The following CACNA2D3 variants were observed in gnomAD, a reference collection of about 807,000 sequenced individuals.
CACNA2D3 encodes voltage-dependent calcium channel subunit alpha-2/delta-3.
Under a neutral mutation model 160.6 loss-of-function variants are expected in CACNA2D3, and 60 were observed. The ratio of observed to expected loss-of-function variants is 0.37; its 90% CI spans 0.30 to 0.46. The LOEUF (loss-of-function observed/expected upper bound fraction) is 0.46, where lower values mean the gene tolerates loss of function less well. CACNA2D3 is among the 20% of genes least tolerant of loss of function. The probability of loss-of-function intolerance (pLI) is 1.00; values close to 1 mark genes in which losing one functional copy is unlikely to be tolerated. For missense variants in CACNA2D3, 1,205 were observed against 1,365.0 expected (o/e 0.88, Z 1.85); for synonymous variants, 558 against 492.9 (o/e 1.13, Z -1.75).
intron 27 of CACNA2D3, among the ~76,000 whole-genome samples, chr3:54,927,577 C>T (rs1701058106): frequency 6.6e-6 from 1 of 152,078 alleles, no homozygotes; most frequent in African/African-American, 2.4e-5. Flanking sequence ...GAGATTGTAG[C>T]CAATTTGTTC....
chr3:54,260,467 G>A (rs1001493114), intron 2 of CACNA2D3, among the ~76,000 whole-genome samples: 1 of 152,136 alleles, frequency 6.6e-6, no homozygotes, highest in South Asian at 2.1e-4. Context: ...GAGCGTGTCA[G>A]TTCAGGTCTC....
Position 54,642,215 on chromosome 3 carries a change from G to A in CACNA2D3, c.1141G>A (p.Ala381Thr). The A allele has an allele frequency of 6.2e-7, 1 of 1,612,088 alleles. No individual in the cohort carries two copies. Among genetic ancestry groups the A allele is most frequent in the Admixed American group, 1.7e-5 (1 of 59,812 alleles). The change falls in exon 11 of 38, where the codon GCA (alanine) becomes ACA (threonine). Residue 381 changes from alanine to threonine, a missense_variant. Ala to Thr is a moderately conservative substitution (Grantham distance 58). Around this residue, in one of 3 missense-constraint regions of CACNA2D3, gnomAD observed 911 missense variants for 1,002.2 expected, o/e 0.91. Transcript: ENST00000474759. ...GAVDTYDTIF[A>T]KYNWPDRKVR... ...GGTGGACACCTATGATACAATCTTT[G>A]CAAAATACAATTGGCCAGATCGAAA... is the stretch of plus-strand genomic sequence containing the variant.
chr3:54,646,194 G>GCTTCCTTCCTTC (rs1169806180), intron 11 of CACNA2D3, among the ~76,000 whole-genome samples: 245 of 13,424 alleles, frequency 0.018, 9 homozygotes, highest in Non-Finnish European at 0.035. Flanking sequence ...CTCCTTCCTT[G>GCTTCCTTCCTTC]CTTCCTTCCT....
At chr3:54,475,588 C>G (rs1405787312) in intron 4 of CACNA2D3, among the ~76,000 whole-genome samples, 1 of 151,950 alleles carries the variant, frequency 6.6e-6, no homozygotes, top group Non-Finnish European at 1.5e-5. Context: ...GTTCCCTTCC[C>G]CCAAGATCAA....
chr3:54,348,148 T>G (rs533234939), intron 3 of CACNA2D3, among the ~76,000 whole-genome samples: 11 of 152,216 alleles, frequency 7.2e-5, no homozygotes, highest in Admixed American at 2.0e-4. Context: ...CAGCCAGGAA[T>G]TAAACATTCA....
chr3:54,897,008 A>C, intron 26 of CACNA2D3, 138 bp downstream of exon 26: 2 of 1,052,764 alleles, frequency 1.9e-6, no homozygotes, highest in South Asian at 3.0e-5. Context: ...ATATTGGGTC[A>C]GCCCTGAACC....
chr3:54,826,264 G>A (rs1351185280), intron 14 of CACNA2D3, among the ~76,000 whole-genome samples: 1 of 152,068 alleles, frequency 6.6e-6, no homozygotes, highest in Admixed American at 6.6e-5. Context: ...AGAACTGAAG[G>A]AATGGCTCTG....
chr3:54,541,142 T>G (rs1441051683), intron 5 of CACNA2D3, among the ~76,000 whole-genome samples: 3 of 150,906 alleles, frequency 2.0e-5, no homozygotes, highest in Non-Finnish European at 1.5e-5. Context: ...CCGGGCGTGG[T>G]GGCGGGCGCC....
chr3:54,279,200 G>T (rs1702815622), intron 2 of CACNA2D3, among the ~76,000 whole-genome samples: 1 of 152,168 alleles, frequency 6.6e-6, no homozygotes, highest in Non-Finnish European at 1.5e-5. Context: ...AGTTTCATGA[G>T]TGGAATGCAC....
chr3:54,840,679 G>A (rs1211917385), intron 16 of CACNA2D3, among the ~76,000 whole-genome samples: 1 of 149,514 alleles, frequency 6.7e-6, no homozygotes, highest in Non-Finnish European at 1.5e-5. Context: ...AAAGTGCTGG[G>A]ATTACAGGCG....
chr3:54,294,411 A>G (rs143390170), intron 2 of CACNA2D3, among the ~76,000 whole-genome samples: 1 of 152,120 alleles, frequency 6.6e-6, no homozygotes, highest in East Asian at 1.9e-4. Context: ...CTCATGAGCT[A>G]TCCTCCTGCC....
intron 2 of CACNA2D3, among the ~76,000 whole-genome samples, chr3:54,213,346 A>C (rs990671541): frequency 6.6e-6 from 1 of 152,172 alleles, no homozygotes; most frequent in Admixed American, 6.5e-5. Context: ...CATTTCTATG[A>C]TGTTACTGTG....
chr3:54,833,742 G>A (rs1316383327), intron 14 of CACNA2D3, among the ~76,000 whole-genome samples: 2 of 152,114 alleles, frequency 1.3e-5, no homozygotes, highest in African/African-American at 2.4e-5. Context: ...CAGACCTGTG[G>A]GGACTGGGAA....
At chr3:54,474,901 A>G (rs562702854) in intron 4 of CACNA2D3, among the ~76,000 whole-genome samples, 58 of 152,214 alleles carry the variant, frequency 3.8e-4, no homozygotes, top group Non-Finnish European at 6.9e-4. Context: ...GGGCCGAAAT[A>G]GCTTCCAGAA....
intron 9 of CACNA2D3, among the ~76,000 whole-genome samples, chr3:54,593,540 C>A (rs1474806358): frequency 6.6e-6 from 1 of 152,048 alleles, no homozygotes; most frequent in East Asian, 1.9e-4. Flanking sequence ...TTACAATGAA[C>A]CCCAAATCCT....
chr3:54,785,861 C>A (rs1337137426), intron 13 of CACNA2D3, among the ~76,000 whole-genome samples: 1 of 152,082 alleles, frequency 6.6e-6, no homozygotes, highest in Non-Finnish European at 1.5e-5. Flanking sequence ...ATATATTTTC[C>A]CTTCTTATCA....
intron 13 of CACNA2D3, among the ~76,000 whole-genome samples, chr3:54,790,273 G>A (rs563949322): frequency 6.6e-6 from 1 of 152,276 alleles, no homozygotes; most frequent in African/African-American, 2.4e-5. Flanking sequence ...AACTGGTGCG[G>A]TGTCCTCTCC....
chr3:54,439,140 A>T (rs1015806618), intron 4 of CACNA2D3, among the ~76,000 whole-genome samples: 3 of 152,096 alleles, frequency 2.0e-5, no homozygotes, highest in Non-Finnish European at 4.4e-5. Context: ...CATTGATCCT[A>T]TGGCAGTTGG....
chr3:55,062,963 A>G (rs1704549392), intron 35 of CACNA2D3, among the ~76,000 whole-genome samples: 1 of 152,218 alleles, frequency 6.6e-6, no homozygotes, highest in African/African-American at 2.4e-5. Context: ...AAGGATGGCA[A>G]AGTCGCTGTG....
Sources: allele counts gnomAD v4.1 joint callset (sites outside exome capture counted in the v4.1 genomes callset), GRCh38; gene constraint gnomAD v4.1.1; regional missense constraint gnomAD v4.1.1; transcripts MANE v1.5; gene names NCBI Gene and HGNC (gene_info 2026-07-23, HGNC 2026-07-21).